MARCHF5: variants seen among roughly 807,000 people sequenced by gnomAD.
The protein encoded by MARCHF5 is E3 ubiquitin-protein ligase MARCHF5.
A neutral mutation model predicts 36.5 loss-of-function variants in MARCHF5; 5 were observed. The ratio of observed to expected loss-of-function variants is 0.14; its 90% confidence interval spans 0.07 to 0.29. The LOEUF is 0.29. Ranked by LOEUF, MARCHF5 falls within the 10% of genes least tolerant of loss-of-function variation. The pLI is 1.00. For missense variants in MARCHF5, 179 were observed against 336.3 expected, an observed-to-expected ratio of 0.53 and a Z score of 3.66; for synonymous variants, 103 against 109.9, an observed-to-expected ratio of 0.94 and a Z score of 0.39.
chr10:92,353,506 A>C lies in MARCHF5; in HGVS notation c.*2299A>C, dbSNP rs528245667. 28 of 152,362 alleles carry C rather than the reference A, an allele frequency of 1.8e-4. No individual in the cohort carries two copies. Among genetic ancestry groups the C allele is most frequent in the South Asian group, 6.2e-4 (3 of 4,832 alleles). 9.4% of individuals were successfully genotyped at this position (152,362 alleles called of 1,614,324 possible). A position where few individuals can be genotyped will look rare whatever the true frequency, so the allele number is the denominator to read the frequency against. ...AAAGGAACAGCAGCACTTAGGCTCA[A>C]AATCGCCCCTACAAAGCAGTAGTTG... On this transcript the variant is annotated 3_prime_UTR_variant, in exon 6 of 6. Transcript: ENST00000358935.
chr10:92,316,596 T>C (rs1277272639), intron 2 of MARCHF5, among the ~76,000 whole-genome samples: 2 of 152,182 alleles, frequency 1.3e-5, no homozygotes, highest in East Asian at 3.8e-4. Flanking sequence ...AGTGTTTTGC[T>C]TTGTTGCCTA....
chr10:92,306,073 T>C (rs1843070311), intron 1 of MARCHF5, among the ~76,000 whole-genome samples: 1 of 152,210 alleles, frequency 6.6e-6, no homozygotes, highest in African/African-American at 2.4e-5. Flanking sequence ...ATCTACTGCT[T>C]TATGTGAGTT....
chr10:92,297,724 T>G (rs899362375), intron 1 of MARCHF5, among the ~76,000 whole-genome samples: 7 of 150,210 alleles, frequency 4.7e-5, no homozygotes, highest in Non-Finnish European at 1.0e-4. Context: ...ACTCCCGACC[T>G]CGTGATCCAC....
At chr10:92,318,526 G>T (rs1392145908) in intron 2 of MARCHF5, among the ~76,000 whole-genome samples, 3 of 151,560 alleles carry the variant, frequency 2.0e-5, no homozygotes, top group Non-Finnish European at 4.4e-5. Flanking sequence ...TTCGAGACCA[G>T]CCTGGGGAAC....
Position 92,305,596 on chromosome 10 carries a change from T to A in MARCHF5, c.36-5539T>A, listed in dbSNP as rs546931633. 8.6e-5 allele frequency among the ~76,000 whole-genome samples: 13 copies of A among 151,950 alleles called. No individual in the cohort carries two copies. In the East Asian group the frequency reaches 2.3e-3, roughly 27 times the overall value. ...CCTAAAGATTTGCATTTCTAATGAG[T>A]CCCCAGGTGATGCTTATGCATCACA... On this transcript the variant is annotated intron_variant, in intron 1 of 5. Coordinates refer to ENST00000358935, the MANE Select transcript of MARCHF5 (RefSeq NM_017824.5).
intron 2 of MARCHF5, among the ~76,000 whole-genome samples, chr10:92,332,060 C>A (rs1420429436): frequency 1.3e-5 from 2 of 148,192 alleles, no homozygotes; most frequent in Non-Finnish European, 3.0e-5. Context: ...GTTTGTGGGT[C>A]CTTTTTTTTT....
intron 2 of MARCHF5, among the ~76,000 whole-genome samples, chr10:92,337,071 A>C (rs1193180798): frequency 1.3e-5 from 2 of 151,830 alleles, no homozygotes; most frequent in East Asian, 1.9e-4. Flanking sequence ...ACAGTGAGCC[A>C]AGATGACGCC....
intron 2 of MARCHF5, among the ~76,000 whole-genome samples, chr10:92,317,094 A>G (rs934692939): frequency 2.0e-5 from 3 of 151,954 alleles, no homozygotes; most frequent in African/African-American, 7.3e-5. Context: ...TTCACACTAG[A>G]TTTATTTTCT....
intron 5 of MARCHF5, 71 bp from the exon 6 acceptor site, chr10:92,351,020 A>G (rs1343168051): frequency 1.2e-6 from 1 of 833,066 alleles, no homozygotes; most frequent in African/African-American, 1.7e-5. Flanking sequence ...TGTGATCTAA[A>G]TAAAATTATT....
At chr10:92,303,760 T>A (rs1441811567) in intron 1 of MARCHF5, among the ~76,000 whole-genome samples, 1 of 152,228 alleles carries the variant, frequency 6.6e-6, no homozygotes, top group East Asian at 1.9e-4. Flanking sequence ...GCAAAAACCA[T>A]CATAATTTTA....
chr10:92,324,140 G>C (rs905405156), intron 2 of MARCHF5, among the ~76,000 whole-genome samples: 8 of 151,836 alleles, frequency 5.3e-5, no homozygotes, highest in Non-Finnish European at 1.0e-4. Context: ...AATGACATAT[G>C]ATGTGAAACA....
intron 2 of MARCHF5, among the ~76,000 whole-genome samples, chr10:92,323,642 A>T (rs1336243027): frequency 6.6e-6 from 1 of 152,114 alleles, no homozygotes; most frequent in Non-Finnish European, 1.5e-5. Flanking sequence ...CCACAAGGTC[A>T]TATAGTTGGA....
chr10:92,340,348 T>A (rs1320140983), intron 2 of MARCHF5, among the ~76,000 whole-genome samples: 1 of 152,212 alleles, frequency 6.6e-6, no homozygotes, highest in Non-Finnish European at 1.5e-5. Flanking sequence ...TCTCAACTAT[T>A]CTAGTCTAGG....
chr10:92,336,793 G>A (rs1009045245), intron 2 of MARCHF5, among the ~76,000 whole-genome samples: 7 of 152,138 alleles, frequency 4.6e-5, no homozygotes, highest in Non-Finnish European at 8.8e-5. Flanking sequence ...CAGCAAAGGA[G>A]ACTGAAAATT....
chr10:92,340,497 A>G (rs536410650), intron 2 of MARCHF5, among the ~76,000 whole-genome samples, 176 bp from the exon 3 acceptor site: 2 of 152,358 alleles, frequency 1.3e-5, no homozygotes, highest in Non-Finnish European at 2.9e-5. Flanking sequence ...ACTTGAACCC[A>G]GAAGTTTGAG....
At chr10:92,333,213 A>T (rs1441095393) in intron 2 of MARCHF5, among the ~76,000 whole-genome samples, 1 of 150,004 alleles carries the variant, frequency 6.7e-6, no homozygotes, top group Non-Finnish European at 1.5e-5. Context: ...TTGGCTTGGG[A>T]CCATATAATT....
chr10:92,334,659 G>A (rs1489822215), intron 2 of MARCHF5: 1 of 152,110 alleles, frequency 6.6e-6, no homozygotes, highest in African/African-American at 2.4e-5. Context: ...AACTTCCAAG[G>A]TGTACCTTTA....
intron 1 of MARCHF5, among the ~76,000 whole-genome samples, chr10:92,310,190 C>T (rs1035085437): frequency 6.6e-6 from 1 of 152,080 alleles, no homozygotes; most frequent in African/African-American, 2.4e-5. Flanking sequence ...TGACAGAAGC[C>T]ACTTATCCAA....
chr10:92,340,412 T>A (rs1843565482), intron 2 of MARCHF5, among the ~76,000 whole-genome samples: 1 of 152,182 alleles, frequency 6.6e-6, no homozygotes. Flanking sequence ...TCCAACTTCA[T>A]GAAAGTATTT....
Sources: gnomAD v4.1 joint callset for allele counts (sites outside exome capture counted in the v4.1 genomes callset) on GRCh38, gnomAD v4.1.1 for gene constraint, MANE v1.5 for transcripts, NCBI Gene and HGNC (gene_info 2026-07-23, HGNC 2026-07-21) for gene names.